Variants in MAN2B2 observed in about 807,000 individuals in gnomAD.
MAN2B2 encodes the protein epididymis-specific alpha-mannosidase.
In MAN2B2, 106 loss-of-function variants were observed where a neutral mutation model predicts 117.1. That is an observed-to-expected ratio of 0.90 (90% CI 0.77 to 1.06). The LOEUF (loss-of-function observed/expected upper bound fraction) is 1.06. Among genes scored for constraint, MAN2B2 ranks in the 50% least tolerant of loss-of-function variants. The probability of loss-of-function intolerance (pLI) is 0.00; values close to 1 mark genes in which losing one functional copy is unlikely to be tolerated. For synonymous variants in MAN2B2, 544 were observed against 595.1 expected (o/e 0.91, Z 1.25); for missense variants, 1,326 against 1,381.4 (o/e 0.96, Z 0.64).
intron 17 of MAN2B2, 26 bp downstream of exon 17, chr4:6,617,518 C>T: frequency 1.9e-6 from 3 of 1,613,234 alleles, no homozygotes; most frequent in Non-Finnish European, 2.5e-6. Context: ...CCCATCCAGA[C>T]CATAAGCCAG....
At position 6,617,437 on chromosome 4, in the gene MAN2B2, T is replaced by A; in HGVS notation, c.2759T>A (p.Leu920Gln). The A allele has an allele frequency of 6.2e-7, 1 of 1,614,154 alleles. No individual in the cohort carries two copies. Among genetic ancestry groups the A allele is most frequent in the South Asian group, 1.1e-5 (1 of 91,078 alleles). Residue 920 changes from leucine (L) to glutamine (Q), a missense_variant, in exon 17 of 19, where the codon CTA becomes CAA. Coordinates refer to ENST00000285599, the MANE Select transcript of MAN2B2 (RefSeq NM_015274.3). ...LRRVLLRLYH[L>Q]YEVGEDPVLS... is the part of the protein sequence containing the mutation. ...CGTGTCCTGCTGCGGCTCTACCACCTATATGAAGTGGGCGAGGACCCAGTC... is the reference window on the plus strand; with the variant it reads ...CGTGTCCTGCTGCGGCTCTACCACCAATATGAAGTGGGCGAGGACCCAGTC...
intron 8 of MAN2B2, 85 bp downstream of exon 8, chr4:6,597,388 G>A (rs1207849041): frequency 5.8e-6 from 8 of 1,381,592 alleles, no homozygotes; most frequent in Non-Finnish European, 6.7e-6. Flanking sequence ...AATCCTTCCA[G>A]CCCTGGGGCA....
chr4:6,605,471 T>A, intron 11 of MAN2B2, 142 bp downstream of exon 11: 1 of 993,612 alleles, frequency 1.0e-6, no homozygotes, highest in Non-Finnish European at 1.4e-6. Context: ...TATTGTGATC[T>A]TTAATTTTAG....
chr4:6,609,832 C>T lies in MAN2B2; in HGVS notation c.2041C>T (p.Arg681Cys), dbSNP rs377039829. ...AGCACAGAATTACACGTATGCAATC[C>T]GCTCCCGGCTCACCCATGTGCCGCA... Reference protein sequence around the residue: ...MTAQNYTYAIRSRLTHVPQGH... With the variant: ...MTAQNYTYAICSRLTHVPQGH... Residue 681 changes from arginine to cysteine, a missense_variant, in exon 13 of 19, where the codon CGC (arginine) becomes TGC (cysteine). Physicochemically the swap from Arg to Cys is radical, Grantham distance 180. Coordinates refer to ENST00000285599, the MANE Select transcript of MAN2B2 (RefSeq NM_015274.3). The T allele has an allele frequency of 5.5e-5, 89 of 1,613,916 alleles. No individual in the cohort carries two copies. The highest frequency in any genetic ancestry group is 6.9e-5 in the Non-Finnish European group (82 of 1,180,032).
intron 17 of MAN2B2, 179 bp downstream of exon 17, chr4:6,617,671 G>C (rs1321479166): frequency 1.7e-6 from 2 of 1,183,822 alleles, no homozygotes; most frequent in Non-Finnish European, 2.3e-6. Context: ...CAACTGGCCT[G>C]GTTTTTTAGG....
At position 6,609,222 on chromosome 4, in the gene MAN2B2, G is replaced by A. The variant is rs138418678; in HGVS notation, c.1930G>A (p.Val644Met). The A allele has an allele frequency of 7.7e-4, 1,238 of 1,614,252 alleles. 2 individuals are homozygous for A. The highest frequency in any genetic ancestry group is 5.1e-3 in the Middle Eastern group (31 of 6,062). The change falls in exon 12 of 19, where the codon GTG becomes ATG. Residue 644 changes from valine to methionine, a missense_variant. Physicochemically the swap from Val to Met is conservative, Grantham distance 21. Coordinates refer to ENST00000285599, the MANE Select transcript of MAN2B2 (RefSeq NM_015274.3). ...CCTGTTCACACCGGGCAAGGCCGCG[G>A]TGCCTGCGTGGGAAGCTGTGGAAAT... ...NYLFTPGKAA[V>M]PAWEAVEMEI...
chr4:6,593,298 A>C lies in MAN2B2; in HGVS notation c.806A>C (p.Asn269Thr). ...INLYAEALVANVKQRAAWFRT... is the reference protein window; with the variant it reads ...INLYAEALVATVKQRAAWFRT... ...CTCTATGCCGAGGCCCTGGTGGCCA[A>C]CGTGAAGCAGAGGGCCGCCTGGTTC... is the stretch of plus-strand genomic sequence containing the variant. The change falls in exon 6 of 19, where the codon AAC becomes ACC. Residue 269 changes from asparagine (N) to threonine (T), a missense_variant. Physicochemically the swap from Asn to Thr is moderately conservative, Grantham distance 65. Transcript: ENST00000285599. 6.2e-7 allele frequency: 1 copy of C among 1,613,944 alleles called. No individual in the cohort carries two copies. The highest frequency in any genetic ancestry group is 8.5e-7 in the Non-Finnish European group (1 of 1,179,940).
intron 1 of MAN2B2, among the ~76,000 whole-genome samples, chr4:6,575,810 C>T (rs1726035126): frequency 6.6e-6 from 1 of 152,194 alleles, no homozygotes; most frequent in African/African-American, 2.4e-5. Context: ...TGGTTCTGCT[C>T]AGGACCTTGG....
intron 12 of MAN2B2, chr4:6,609,546 G>T (rs1727684460): frequency 3.2e-6 from 2 of 625,630 alleles, no homozygotes; most frequent in Non-Finnish European, 5.5e-6. Flanking sequence ...GGCCCACAGA[G>T]CACCTGTTCT....
At chr4:6,579,325 C>CCACCAT (rs1726307709) in intron 3 of MAN2B2, among the ~76,000 whole-genome samples, 1 of 57,342 alleles carries the variant, frequency 1.7e-5, no homozygotes, top group Non-Finnish European at 4.1e-5. Context: ...ACCATCACCA[C>CCACCAT]CACCACCACC....
At chr4:6,605,443 G>A (rs1727507321) in intron 11 of MAN2B2, 114 bp downstream of exon 11, 3 of 1,210,250 alleles carry the variant, frequency 2.5e-6, no homozygotes, top group Non-Finnish European at 3.4e-6. Flanking sequence ...GACAGATGGT[G>A]GTGAAACCCC....
intron 3 of MAN2B2, among the ~76,000 whole-genome samples, chr4:6,578,699 C>A (rs1002290765): frequency 1.3e-5 from 2 of 152,094 alleles, no homozygotes; most frequent in Non-Finnish European, 2.9e-5. Context: ...AGCATGGATG[C>A]TAGAGTCAGA....
intron 3 of MAN2B2, among the ~76,000 whole-genome samples, chr4:6,584,953 C>T (rs577982338): frequency 6.6e-5 from 10 of 152,230 alleles, no homozygotes; most frequent in African/African-American, 2.2e-4. Context: ...CTGTCTGGTG[C>T]GAGGCCGTAC....
At chr4:6,605,027 A>G (rs919574610) in intron 10 of MAN2B2, 28 bp from the exon 11 acceptor site, 1 of 1,596,998 alleles carries the variant, frequency 6.3e-7, no homozygotes, top group African/African-American at 1.3e-5. Flanking sequence ...GCTGACAGTT[A>G]ACAAGTCTCA....
At chr4:6,592,575 G>T (rs1235434586) in intron 5 of MAN2B2, among the ~76,000 whole-genome samples, 1 of 152,196 alleles carries the variant, frequency 6.6e-6, no homozygotes, top group Admixed American at 6.5e-5. Flanking sequence ...CTGCACTCCA[G>T]CCTGATCAAC....
chr4:6,579,348 A>ACCG (rs1726315297), intron 3 of MAN2B2, among the ~76,000 whole-genome samples: 1 of 116,566 alleles, frequency 8.6e-6, no homozygotes, highest in Admixed American at 9.0e-5. Context: ...CACCATCACC[A>ACCG]TCACCACCAC....
intron 12 of MAN2B2, 161 bp from the exon 13 acceptor site, chr4:6,609,637 G>A (rs897136915): frequency 1.6e-5 from 14 of 895,358 alleles, no homozygotes; most frequent in South Asian, 4.9e-5. Context: ...CCAGCCGCTC[G>A]GGGTCCTGGG....
intron 15 of MAN2B2, among the ~76,000 whole-genome samples, chr4:6,613,815 A>G (rs1370928552): frequency 7.8e-6 from 1 of 128,756 alleles, no homozygotes; most frequent in Non-Finnish European, 1.6e-5. Flanking sequence ...GGGAGGAGGA[A>G]GGAAGGAAGG....
chr4:6,607,551 G>T (rs866467635), intron 11 of MAN2B2, among the ~76,000 whole-genome samples: 1 of 152,202 alleles, frequency 6.6e-6, no homozygotes, highest in Non-Finnish European at 1.5e-5. Flanking sequence ...ATCGTAGCAC[G>T]TATCAGTACT....
Sources: gnomAD v4.1 joint callset for allele counts (sites outside exome capture counted in the v4.1 genomes callset) on GRCh38, gnomAD v4.1.1 for gene constraint, MANE v1.5 for transcripts, NCBI Gene and HGNC (gene_info 2026-07-23, HGNC 2026-07-21) for gene names.